Variants in GRIK1 observed in about 807,000 individuals in gnomAD.
GRIK1 encodes the protein glutamate ionotropic receptor kainate type subunit 1.
A neutral mutation model predicts 105.7 loss-of-function variants in GRIK1; 69 were observed. The observed-to-expected ratio is 0.65, with a 90% CI of 0.54 to 0.80. The LOEUF (loss-of-function observed/expected upper bound fraction) is 0.80, where lower values mean the gene tolerates loss of function less well. Ranked by LOEUF, GRIK1 falls within the 30% of genes least tolerant of loss-of-function variation. The probability of loss-of-function intolerance (pLI) is 0.00; values close to 1 mark genes in which losing one functional copy is unlikely to be tolerated. For synonymous variants in GRIK1, 438 were observed against 431.3 expected (o/e 1.02, Z -0.19); for missense variants, 1,109 against 1,167.3 (o/e 0.95, Z 0.73).
chr21:29,799,094 C>T (rs1358454077), intron 1 of GRIK1, among the ~76,000 whole-genome samples: 1 of 152,222 alleles, frequency 6.6e-6, no homozygotes, highest in African/African-American at 2.4e-5. Flanking sequence ...GGCTAAACCT[C>T]ATCATCCAAA....
chr21:29,801,889 G>A (rs1478183855), intron 1 of GRIK1, among the ~76,000 whole-genome samples: 1 of 150,524 alleles, frequency 6.6e-6, no homozygotes, highest in Non-Finnish European at 1.5e-5. Context: ...TTTTTCTTTT[G>A]TAGAGATAAG....
intron 1 of GRIK1, among the ~76,000 whole-genome samples, chr21:29,701,791 C>T (rs1218341104): frequency 1.3e-5 from 2 of 152,026 alleles, no homozygotes; most frequent in African/African-American, 4.8e-5. Flanking sequence ...TGGCTTTGTA[C>T]AAATTAGTGG....
chr21:29,932,619 G>A (rs2071606476), intron 1 of GRIK1, among the ~76,000 whole-genome samples: 1 of 151,770 alleles, frequency 6.6e-6, no homozygotes, highest in East Asian at 1.9e-4. Context: ...TGGAAAAATA[G>A]TGACAGTGCT....
intron 1 of GRIK1, among the ~76,000 whole-genome samples, chr21:29,886,654 T>C (rs1242022431): frequency 1.3e-5 from 2 of 152,180 alleles, no homozygotes; most frequent in Admixed American, 1.3e-4. Context: ...AAACACTTGC[T>C]TTTTTGGCTT....
intron 6 of GRIK1, among the ~76,000 whole-genome samples, chr21:29,646,332 T>C (rs1038885850): frequency 9.2e-5 from 14 of 152,198 alleles, no homozygotes; most frequent in Non-Finnish European, 2.1e-4. Flanking sequence ...TCATAGATCA[T>C]TGCTGAGGAT....
At chr21:29,713,322 C>G (rs756049636) in intron 1 of GRIK1, among the ~76,000 whole-genome samples, 1 of 152,056 alleles carries the variant, frequency 6.6e-6, no homozygotes, top group Non-Finnish European at 1.5e-5. Flanking sequence ...TTAGTTTAAA[C>G]TAATTTGATT....
chr21:29,701,463 G>T (rs1488495754), intron 1 of GRIK1, among the ~76,000 whole-genome samples: 1 of 152,208 alleles, frequency 6.6e-6, no homozygotes, highest in Non-Finnish European at 1.5e-5. Context: ...GCTGAAGTCG[G>T]GTGAGCTGGG....
intron 1 of GRIK1, among the ~76,000 whole-genome samples, chr21:29,708,096 T>A (rs993239242): frequency 6.6e-6 from 1 of 152,222 alleles, no homozygotes; most frequent in South Asian, 2.1e-4. Context: ...GAGCAATTTA[T>A]ATGTGCATCC....
chr21:29,918,016 A>C (rs1459307068), intron 1 of GRIK1, among the ~76,000 whole-genome samples: 1 of 152,018 alleles, frequency 6.6e-6, no homozygotes, highest in Non-Finnish European at 1.5e-5. Context: ...AAGATGAACT[A>C]ATAGATGAGT....
chr21:29,651,150 G>T lies in GRIK1; in HGVS notation c.922C>A (p.Pro308Thr), dbSNP rs2062726971. 1 of 1,612,466 alleles carries T rather than the reference G, an allele frequency of 6.2e-7. No homozygotes were observed. ...ATGCCATCCAAAAGGCCAGTCTCGG[G>T]CCTGGGTGGGGCCTGCAGTCTCTCC... is the stretch of plus-strand genomic sequence containing the variant. The part of the protein sequence containing the change: ...SMERLQAPPR[P>T]ETGLLDGMMT... The change falls in exon 6 of 18, where the codon CCC becomes ACC. Residue 308 changes from proline (P) to threonine (T), a missense_variant. Physicochemically the swap from Pro to Thr is conservative, Grantham distance 38. Transcript: ENST00000327783.
intron 1 of GRIK1, among the ~76,000 whole-genome samples, chr21:29,911,153 C>A (rs144351725): frequency 1.9e-3 from 290 of 152,042 alleles, no homozygotes; most frequent in African/African-American, 6.6e-3. Flanking sequence ...TTACTGCTAC[C>A]TTATGTGTTA....
intron 6 of GRIK1, 100 bp from the exon 7 acceptor site, chr21:29,643,069 G>T: frequency 8.7e-7 from 1 of 1,154,610 alleles, no homozygotes; most frequent in Non-Finnish European, 1.3e-6. Flanking sequence ...TTATCTGTCT[G>T]ATCTCAAAGG....
At chr21:29,917,687 T>A (rs1336079440) in intron 1 of GRIK1, among the ~76,000 whole-genome samples, 1 of 151,988 alleles carries the variant, frequency 6.6e-6, no homozygotes, top group Non-Finnish European at 1.5e-5. Context: ...CCAAAATAAT[T>A]GTAAAAACCT....
chr21:29,890,373 C>G (rs934717278), intron 1 of GRIK1, among the ~76,000 whole-genome samples: 2 of 152,070 alleles, frequency 1.3e-5, no homozygotes, highest in African/African-American at 2.4e-5. Flanking sequence ...AACTTCTTTT[C>G]AAGTGCTTTA....
chr21:29,825,376 T>C (rs984352389), intron 1 of GRIK1, among the ~76,000 whole-genome samples: 1 of 152,072 alleles, frequency 6.6e-6, no homozygotes, highest in Non-Finnish European at 1.5e-5. Flanking sequence ...AGATTATTTT[T>C]TCTTAATACA....
chr21:29,538,257 A>C (rs191549174), intron 16 of GRIK1, among the ~76,000 whole-genome samples: 86 of 152,302 alleles, frequency 5.6e-4, no homozygotes, highest in African/African-American at 2.0e-3. Flanking sequence ...ATTTCTAAAA[A>C]GTAGTTTTCT....
At chr21:29,616,817 G>A (rs767225154) in intron 7 of GRIK1, among the ~76,000 whole-genome samples, 4 of 152,156 alleles carry the variant, frequency 2.6e-5, no homozygotes, top group Admixed American at 6.5e-5. Context: ...CAAAGATGTC[G>A]CTTTCAAAAT....
Position 29,634,065 on chromosome 21 carries a change from T to C in GRIK1, c.1098+8761A>G, listed in dbSNP as rs937359993. On this transcript the variant is annotated intron_variant, in intron 7 of 17. Coordinates refer to ENST00000327783, the MANE Select transcript of GRIK1 (RefSeq NM_001330994.2). The stretch of plus-strand genomic sequence containing the variant: ...CGTTTCACCAGGGACTTTTTTATTT[T>C]CAATACTGTAATTTTTTACCCAGAT... Among the ~76,000 whole-genome samples, 36 of 152,148 alleles carry C rather than the reference T, an allele frequency of 2.4e-4. 1 individual carries two copies. Among genetic ancestry groups the C allele is most frequent in the African/African-American group, 5.8e-4 (24 of 41,422 alleles).
At chr21:29,622,362 G>A (rs1356028463) in intron 7 of GRIK1, among the ~76,000 whole-genome samples, 3 of 152,218 alleles carry the variant, frequency 2.0e-5, no homozygotes, top group Non-Finnish European at 4.4e-5. Flanking sequence ...TAAGTTGGGA[G>A]TACTCTACGT....
Sources: allele counts gnomAD v4.1 joint callset (sites outside exome capture counted in the v4.1 genomes callset), GRCh38; gene constraint gnomAD v4.1.1; transcripts MANE v1.5; gene names NCBI Gene and HGNC (gene_info 2026-07-23, HGNC 2026-07-21).